Variants in DLG2 observed in about 807,000 individuals in gnomAD.
The protein encoded by DLG2 is discs large MAGUK scaffold protein 2, also known as disks large homolog 2.
A neutral mutation model predicts 132.5 loss-of-function variants in DLG2; 45 were observed. That is an observed-to-expected ratio of 0.34 (90% CI 0.27 to 0.44). The LOEUF is 0.44. Ranked by LOEUF, DLG2 falls within the 20% of genes least tolerant of loss-of-function variation. The pLI, the probability that DLG2 is intolerant of heterozygous loss-of-function variation, is 1.00. For synonymous variants in DLG2, 424 were observed against 419.6 expected, an observed-to-expected ratio of 1.01 and a Z score of -0.13; for missense variants, 1,045 against 1,196.9, an observed-to-expected ratio of 0.87 and a Z score of 1.87.
chr11:85,267,596 C>T (rs189409043), intron 4 of DLG2, among the ~76,000 whole-genome samples: 2 of 152,034 alleles, frequency 1.3e-5, no homozygotes, highest in Admixed American at 6.6e-5. Context: ...AAAACCAACT[C>T]AAACTAGACA....
intron 3 of DLG2, among the ~76,000 whole-genome samples, chr11:85,373,584 C>T (rs2085159595): frequency 6.6e-6 from 1 of 152,180 alleles, no homozygotes; most frequent in African/African-American, 2.4e-5. Flanking sequence ...TCAGGAAGTT[C>T]ACGACATTTG....
intron 4 of DLG2, among the ~76,000 whole-genome samples, chr11:85,253,555 T>A (rs184908511): frequency 2.6e-4 from 39 of 152,224 alleles, no homozygotes; most frequent in Admixed American, 9.8e-4. Context: ...CCAGCAGCAG[T>A]ATCTAGGGGA....
chr11:84,145,677 G>A (rs1001304522), intron 9 of DLG2, among the ~76,000 whole-genome samples: 1 of 152,164 alleles, frequency 6.6e-6, no homozygotes, highest in East Asian at 1.9e-4. Context: ...AGGGCAGTAA[G>A]ACTTGGACTA....
Position 85,399,006 on chromosome 11 carries a change from C to G in DLG2, c.41-113641G>C, listed in dbSNP as rs998204311. ...AGTCAAATTGTCCCTGTTTGCAGAC[C>G]ACATGATTGTATATTTAGAAAACCC... On this transcript the variant is annotated intron_variant, in intron 3 of 27. Transcript: ENST00000376104. Among the ~76,000 whole-genome samples, 7 of 152,004 alleles carry G rather than the reference C, an allele frequency of 4.6e-5. No individual in the cohort carries two copies. The East Asian group carries it at 7.7e-4, about 17-fold the overall frequency.
intron 8 of DLG2, among the ~76,000 whole-genome samples, chr11:84,178,148 C>T (rs1489236428): frequency 6.6e-6 from 1 of 152,066 alleles, no homozygotes; most frequent in Non-Finnish European, 1.5e-5. Context: ...CTATGAAAAC[C>T]AGCAGCTTTA....
At chr11:84,012,896 G>A (rs896006106) in intron 11 of DLG2, among the ~76,000 whole-genome samples, 7 of 152,048 alleles carry the variant, frequency 4.6e-5, no homozygotes, top group Admixed American at 2.0e-4. Context: ...AACCAAGGTG[G>A]AACCATTAAC....
Position 84,650,881 on chromosome 11 carries a change from A to ATACATACATATATATATACATATATAC in DLG2, c.358-116151_358-116150insGTATATATGTATATATATATGTATGTA, listed in dbSNP as rs1555136015. Among the ~76,000 whole-genome samples, 175 of 125,698 alleles carry ATACATACATATATATATACATATATAC rather than the reference A, an allele frequency of 1.4e-3. 1 individual carries two copies. The highest frequency in any genetic ancestry group is 0.013 in the Middle Eastern group (3 of 240). The allele number at this position is 125,698 out of a possible 152,430, so 82.5% of individuals were successfully genotyped here. On this transcript the variant is annotated intron_variant, in intron 6 of 27. Transcript: ENST00000376104. ...TGTGTGTGTGTGTGTGTGTATATATATATATATATATATATATATAAAATT... is the reference window on the plus strand; with the variant it reads ...TGTGTGTGTGTGTGTGTGTATATATATACATACATATATATATACATATATACTATATATATATATATATATAAAATT...
intron 3 of DLG2, among the ~76,000 whole-genome samples, chr11:85,473,414 C>T (rs2093046670): frequency 6.6e-6 from 1 of 152,136 alleles, no homozygotes; most frequent in Non-Finnish European, 1.5e-5. Flanking sequence ...AAAACAGCTT[C>T]AAACAGTTTT....
intron 6 of DLG2, among the ~76,000 whole-genome samples, chr11:84,858,589 T>C (rs1043621393): frequency 6.6e-6 from 1 of 152,096 alleles, no homozygotes; most frequent in African/African-American, 2.4e-5. Flanking sequence ...CTTTCCTCTT[T>C]AGAATCCCAA....
chr11:84,705,218 A>T (rs1565715153), intron 6 of DLG2, among the ~76,000 whole-genome samples: 1 of 151,722 alleles, frequency 6.6e-6, no homozygotes, highest in Non-Finnish European at 1.5e-5. Flanking sequence ...GGGATGGAGA[A>T]GACAATGGTG....
intron 10 of DLG2, among the ~76,000 whole-genome samples, chr11:84,090,677 T>C (rs1343791206): frequency 6.6e-6 from 1 of 152,154 alleles, no homozygotes; most frequent in Non-Finnish European, 1.5e-5. Flanking sequence ...AAAGTAAAAT[T>C]TGGTAGAATA....
chr11:84,468,782 T>C (rs896908739), intron 7 of DLG2, among the ~76,000 whole-genome samples: 1 of 151,704 alleles, frequency 6.6e-6, no homozygotes, highest in African/African-American at 2.4e-5. Flanking sequence ...GAGTTTAATA[T>C]ACAAACCAAG....
In DLG2 at chr11:85,032,627, C is replaced by T. The variant is rs192882281; in HGVS notation, c.357+79034G>A. Among the ~76,000 whole-genome samples the T allele has an allele frequency of 1.6e-3, 246 of 152,200 alleles. 1 individual carries two copies. The highest frequency in any genetic ancestry group is 4.8e-3 in the African/African-American group (201 of 41,532). On this transcript the variant is annotated intron_variant, in intron 6 of 27. Transcript: ENST00000376104. ...AGGCATGAAATTCTAATACTCATTT[C>T]GTCAGAATCATTATTATTGGTTATC...
At chr11:83,886,418 C>T (rs1002862636) in intron 15 of DLG2, among the ~76,000 whole-genome samples, 10 of 152,162 alleles carry the variant, frequency 6.6e-5, no homozygotes, top group African/African-American at 2.2e-4. Flanking sequence ...TGTACATGCA[C>T]CCAATACATG....
chr11:85,234,659 A>T (rs2075484151), intron 4 of DLG2, among the ~76,000 whole-genome samples: 1 of 152,024 alleles, frequency 6.6e-6, no homozygotes, highest in African/African-American at 2.4e-5. Context: ...TCTATGTACT[A>T]AGTGATGATC....
intron 6 of DLG2, among the ~76,000 whole-genome samples, chr11:84,972,885 T>A (rs988375378): frequency 6.6e-6 from 1 of 152,140 alleles, no homozygotes; most frequent in African/African-American, 2.4e-5. Flanking sequence ...GGGTTCAATT[T>A]TTAGTCCCAC....
chr11:84,038,392 A>G (rs907431498), intron 11 of DLG2, among the ~76,000 whole-genome samples: 1 of 152,180 alleles, frequency 6.6e-6, no homozygotes, highest in Non-Finnish European at 1.5e-5. Context: ...ATCACATGAA[A>G]AAAAGCTCAA....
chr11:83,681,269 T>G (rs550683304), intron 18 of DLG2, among the ~76,000 whole-genome samples: 2 of 152,304 alleles, frequency 1.3e-5, no homozygotes, highest in Non-Finnish European at 1.5e-5. Context: ...TTCACTTCTC[T>G]TTCCTTCTGA....
intron 15 of DLG2, among the ~76,000 whole-genome samples, chr11:83,882,876 T>C (rs2066677321): frequency 1.3e-5 from 2 of 152,196 alleles, no homozygotes; most frequent in Admixed American, 1.3e-4. Flanking sequence ...AGTCTTCTTA[T>C]AAAGGAGAAT....
Sources: allele counts gnomAD v4.1 joint callset (sites outside exome capture counted in the v4.1 genomes callset), GRCh38; gene constraint gnomAD v4.1.1; transcripts MANE v1.5; gene names NCBI Gene and HGNC (gene_info 2026-07-23, HGNC 2026-07-21).